MITF: variants seen among roughly 807,000 people sequenced by gnomAD.
The protein encoded by MITF is melanocyte inducing transcription factor, also known as microphthalmia-associated transcription factor.
A neutral mutation model predicts 60.5 loss-of-function variants in MITF; 17 were observed. That is an observed-to-expected ratio of 0.28 (90% CI 0.19 to 0.42). The LOEUF (loss-of-function observed/expected upper bound fraction) is 0.42. Among genes scored for constraint, MITF ranks in the 10% least tolerant of loss-of-function variants. The pLI is 1.00. For missense variants in MITF, 622 were observed against 683.5 expected (o/e 0.91, Z 1.00); for synonymous variants, 260 against 248.5 (o/e 1.05, Z -0.43).
chr3:69,862,106 C>G (rs111762911), intron 1 of MITF, among the ~76,000 whole-genome samples: 42 of 151,908 alleles, frequency 2.8e-4, no homozygotes, highest in African/African-American at 9.9e-4. Flanking sequence ...GACTTGACTT[C>G]ACTTTAGACC....
At chr3:69,908,712 A>G (rs1365803384) in intron 2 of MITF, among the ~76,000 whole-genome samples, 2 of 152,174 alleles carry the variant, frequency 1.3e-5, no homozygotes, top group Non-Finnish European at 2.9e-5. Context: ...AATGCATCAG[A>G]AGCTTCAGTG....
At chr3:69,786,281 C>T (rs2062647543) in intron 1 of MITF, among the ~76,000 whole-genome samples, 1 of 152,194 alleles carries the variant, frequency 6.6e-6, no homozygotes, top group Non-Finnish European at 1.5e-5. Context: ...CTGCCTGGTG[C>T]CTGGTGACCT....
chr3:69,796,517 T>TTA (rs1265319379), intron 1 of MITF, among the ~76,000 whole-genome samples: 1 of 117,288 alleles, frequency 8.5e-6, no homozygotes, highest in Non-Finnish European at 1.9e-5. Context: ...TTTTTTTTTT[T>TTA]GAGACGGAGT....
At chr3:69,942,423 C>G (rs2065990237) in intron 5 of MITF, among the ~76,000 whole-genome samples, 1 of 152,032 alleles carries the variant, frequency 6.6e-6, no homozygotes, top group African/African-American at 2.4e-5. Flanking sequence ...TTAGGTACAC[C>G]AGAATCCTCA....
At chr3:69,819,942 GT>G (rs2063241810) in intron 1 of MITF, among the ~76,000 whole-genome samples, 2 of 152,120 alleles carry the variant, frequency 1.3e-5, no homozygotes, top group Non-Finnish European at 2.9e-5. Flanking sequence ...TCCAGCCTGG[GT>G]GACAAGTGAG....
chr3:69,800,857 C>G (rs2062908271), intron 1 of MITF, among the ~76,000 whole-genome samples: 1 of 151,998 alleles, frequency 6.6e-6, no homozygotes, highest in African/African-American at 2.4e-5. Context: ...AACTGGGAAA[C>G]AGCATGCTTA....
At chr3:69,936,461 A>T (rs1407881513) in intron 2 of MITF, 3 of 586,190 alleles carry the variant, frequency 5.1e-6, no homozygotes, top group Middle Eastern at 5.3e-4. Flanking sequence ...CAGGGGGAAA[A>T]ATTGATATCA....
intron 1 of MITF, among the ~76,000 whole-genome samples, chr3:69,795,074 A>G (rs527593082): frequency 6.6e-6 from 1 of 152,284 alleles, no homozygotes; most frequent in African/African-American, 2.4e-5. Flanking sequence ...ATATCCCTGT[A>G]CATGTCTTCA....
At chr3:69,911,812 T>C (rs1255368921) in intron 2 of MITF, among the ~76,000 whole-genome samples, 1 of 152,192 alleles carries the variant, frequency 6.6e-6, no homozygotes, top group African/African-American at 2.4e-5. Context: ...CCTTCATACA[T>C]TGCTAGTGAG....
chr3:69,967,278 A>G lies in MITF; in HGVS notation c.*2030A>G. Reference sequence around the variant, plus strand: ...GGGAAAATTAGTTCCCATTCTTTCAACCCCCTTAACTGTATAGCTCTTTTC... The same window carrying G: ...GGGAAAATTAGTTCCCATTCTTTCAGCCCCCTTAACTGTATAGCTCTTTTC... On this transcript the variant is annotated 3_prime_UTR_variant, in exon 10 of 10. Coordinates refer to ENST00000352241, the MANE Select transcript of MITF (RefSeq NM_001354604.2). The G allele has an allele frequency of 4.3e-6, 1 of 232,256 alleles. No homozygotes were observed. Among genetic ancestry groups the G allele is most frequent in the East Asian group, 6.1e-5 (1 of 16,428 alleles). 14.4% of individuals were successfully genotyped at this position (232,256 alleles called of 1,614,324 possible). A position where few individuals can be genotyped will look rare whatever the true frequency, so the allele number is the denominator to read the frequency against.
At chr3:69,757,108 AG>A (rs1704180122) in intron 1 of MITF, among the ~76,000 whole-genome samples, 1 of 152,166 alleles carries the variant, frequency 6.6e-6, no homozygotes, top group Non-Finnish European at 1.5e-5. Context: ...AACCTATCAT[AG>A]CACTGGGTTG....
At chr3:69,917,013 G>A (rs1277271836) in intron 2 of MITF, among the ~76,000 whole-genome samples, 1 of 152,164 alleles carries the variant, frequency 6.6e-6, no homozygotes, top group African/African-American at 2.4e-5. Flanking sequence ...TGCATGTCTA[G>A]TACATGTTGG....
Position 69,967,302 on chromosome 3 carries a change from T to A in MITF, c.*2054T>A, listed in dbSNP as rs1188550285. The A allele has an allele frequency of 4.3e-6, 1 of 232,540 alleles. No homozygotes were observed. The highest frequency in any genetic ancestry group is 8.5e-6 in the Non-Finnish European group (1 of 117,390). The allele number at this position is 232,540 out of a possible 1,614,324, so 14.4% of individuals were successfully genotyped here. ...AACCCCCTTAACTGTATAGCTCTTT[T>A]CCTAGAATAGTGACGCAAATCTGCA... On this transcript the variant is annotated 3_prime_UTR_variant, in exon 10 of 10. Coordinates refer to ENST00000352241, the MANE Select transcript of MITF (RefSeq NM_001354604.2).
intron 1 of MITF, among the ~76,000 whole-genome samples, chr3:69,795,180 G>A (rs1452479789): frequency 6.6e-6 from 1 of 152,112 alleles, no homozygotes; most frequent in African/African-American, 2.4e-5. Context: ...ATGTTTTGAT[G>A]CTGTTGTAAA....
intron 1 of MITF, among the ~76,000 whole-genome samples, chr3:69,748,547 A>G (rs977927015): frequency 6.6e-6 from 1 of 152,172 alleles, no homozygotes; most frequent in South Asian, 2.1e-4. Flanking sequence ...GGCCAGAGTG[A>G]TAACTTTCAC....
At chr3:69,842,565 G>T (rs11717837) in intron 1 of MITF, among the ~76,000 whole-genome samples, 75,395 of 151,886 alleles carry the variant, frequency 0.5, 20,345 homozygotes, top group Non-Finnish European at 0.63. Flanking sequence ...CTTAGTAAAC[G>T]GAGGTAGCCG....
intron 1 of MITF, among the ~76,000 whole-genome samples, chr3:69,836,866 G>A (rs182353316): frequency 1.2e-3 from 182 of 152,262 alleles, no homozygotes; most frequent in African/African-American, 4.1e-3. Flanking sequence ...GGAGCTCTGG[G>A]TCCCTGGAGG....
intron 1 of MITF, among the ~76,000 whole-genome samples, chr3:69,799,822 G>GT (rs1462733464): frequency 1.3e-5 from 2 of 152,072 alleles, no homozygotes; most frequent in African/African-American, 4.8e-5. Flanking sequence ...GAGCAGGGGG[G>GT]TTTTCACAAA....
intron 1 of MITF, among the ~76,000 whole-genome samples, chr3:69,832,317 C>T (rs1387771156): frequency 6.6e-6 from 1 of 152,176 alleles, no homozygotes; most frequent in African/African-American, 2.4e-5. Flanking sequence ...GCCAAAGAGG[C>T]CTCTTTCTGA....
Sources: gnomAD v4.1 joint callset for allele counts (sites outside exome capture counted in the v4.1 genomes callset) on GRCh38, gnomAD v4.1.1 for gene constraint, MANE v1.5 for transcripts, NCBI Gene and HGNC (gene_info 2026-07-23, HGNC 2026-07-21) for gene names.